The following ZGRF1 variants were observed in gnomAD, a reference collection of about 807,000 sequenced individuals.
ZGRF1 encodes the protein 5'-3' DNA helicase ZGRF1.
In ZGRF1, 196 loss-of-function variants were observed where a neutral mutation model predicts 203.5. That is an observed-to-expected ratio of 0.96 (90% CI 0.86 to 1.08). ZGRF1 has a LOEUF of 1.08. Among genes scored for constraint, ZGRF1 ranks in the 50% least tolerant of loss-of-function variants. The pLI is 0.00. For missense variants in ZGRF1, 2,326 were observed against 2,416.3 expected (o/e 0.96, Z 0.78); for synonymous variants, 809 against 841.3 (o/e 0.96, Z 0.66).
chr4:112,581,386 A>T (rs1338810140), intron 16 of ZGRF1, among the ~76,000 whole-genome samples: 1 of 151,932 alleles, frequency 6.6e-6, no homozygotes, highest in Non-Finnish European at 1.5e-5. Flanking sequence ...CATGTAACAA[A>T]CCTACACGTT....
chr4:112,607,780 A>C (rs1750989088), intron 8 of ZGRF1: 1 of 152,196 alleles, frequency 6.6e-6, no homozygotes, highest in Non-Finnish European at 1.5e-5. Context: ...AAAATAAAAA[A>C]ATAAAAAATA....
chr4:112,540,996 G>A, intron 25 of ZGRF1, 41 bp from the exon 26 acceptor site: 1 of 1,551,024 alleles, frequency 6.4e-7, no homozygotes, highest in East Asian at 2.4e-5. Context: ...TTCCCAGAAA[G>A]GCTATGGAAA....
Position 112,539,968 on chromosome 4 carries a change from T to C in ZGRF1, c.6067A>G (p.Met2023Val), listed in dbSNP as rs1440638689. The C allele has an allele frequency of 6.2e-7, 1 of 1,613,772 alleles. No individual in the cohort carries two copies. The highest frequency in any genetic ancestry group is 8.5e-7 in the Non-Finnish European group (1 of 1,179,844). ...TTTCCTCTAGTCAATGCAACATTCA[T>C]TCTTTTTTCTGAATCAATGAATCCT... is the stretch of plus-strand genomic sequence containing the variant. ...QVGFIDSEKR[M>V]NVALTRGKRH... is the part of the protein sequence containing the mutation. Residue 2023 changes from methionine to valine, a missense_variant, in exon 27 of 28, where the codon ATG becomes GTG. By Grantham distance (21) the Met-to-Val change is conservative. Coordinates refer to ENST00000505019, the MANE Select transcript of ZGRF1 (RefSeq NM_018392.5).
intron 1 of ZGRF1, among the ~76,000 whole-genome samples, chr4:112,633,558 A>G (rs755550998): frequency 1.8e-4 from 28 of 152,384 alleles, no homozygotes; most frequent in African/African-American, 6.3e-4. Flanking sequence ...GGTTCCCTAT[A>G]GCGCAAATTC....
intron 1 of ZGRF1, among the ~76,000 whole-genome samples, chr4:112,635,935 A>C (rs965472378): frequency 6.6e-6 from 1 of 152,104 alleles, no homozygotes; most frequent in Non-Finnish European, 1.5e-5. Context: ...GAAACTCTTA[A>C]AGGATGGTTA....
At chr4:112,581,627 C>T in intron 16 of ZGRF1, 36 bp downstream of exon 16, 1 of 1,508,348 alleles carries the variant, frequency 6.6e-7, no homozygotes, top group Non-Finnish European at 8.9e-7. Context: ...GATAATAAGG[C>T]TAGACTGAAT....
chr4:112,577,018 C>T (rs186193444), intron 16 of ZGRF1, among the ~76,000 whole-genome samples: 22 of 150,362 alleles, frequency 1.5e-4, no homozygotes, highest in East Asian at 1.4e-3. Flanking sequence ...ATGTTAAGGG[C>T]GGCCAAAGAG....
At chr4:112,582,560 C>G (rs1247010870) in intron 15 of ZGRF1, among the ~76,000 whole-genome samples, 1 of 152,038 alleles carries the variant, frequency 6.6e-6, no homozygotes, top group East Asian at 1.9e-4. Flanking sequence ...CTCAAGCCAT[C>G]CTCCCGTCTC....
At chr4:112,553,807 G>C (rs1228037971) in intron 22 of ZGRF1, 28 bp downstream of exon 22, 3 of 1,575,798 alleles carry the variant, frequency 1.9e-6, no homozygotes, top group Non-Finnish European at 2.6e-6. Flanking sequence ...TATAAATCAA[G>C]AAACAAATTG....
In ZGRF1 at chr4:112,559,336, C is replaced by G. The variant is rs114497170; in HGVS notation, c.4961-1027G>C. ...ACCACAACCTCCAAAGTAGCTGGGA[C>G]TACAGGTGCATGCCTCCATGTCCAG... On this transcript the variant is annotated intron_variant, in intron 19 of 27. Coordinates refer to ENST00000505019, the MANE Select transcript of ZGRF1 (RefSeq NM_018392.5). 5.1e-3 allele frequency among the ~76,000 whole-genome samples: 781 copies of G among 152,248 alleles called. 2 individuals are homozygous for G. The highest frequency in any genetic ancestry group is 8.9e-3 in the Non-Finnish European group (605 of 68,008).
intron 10 of ZGRF1, among the ~76,000 whole-genome samples, chr4:112,601,099 T>A (rs561004779): frequency 3.3e-4 from 45 of 136,964 alleles, no homozygotes; most frequent in African/African-American, 1.1e-3. Flanking sequence ...CAAGACTCCA[T>A]CTCAAAAAAA....
rs1737545128 is a variant in ZGRF1 at position 112,541,298 on chromosome 4, CAT to C, written c.5599-32_5599-31del. On this transcript the variant is annotated intron_variant, in intron 24 of 27. Coordinates refer to ENST00000505019, the MANE Select transcript of ZGRF1 (RefSeq NM_018392.5). ...GAAATTTAAATGAAGAAAAATAAAA[CAT>C]AATTTTTTTGTTCTTCTAGGGAAAG... 6.6e-6 allele frequency: 9 copies of C among 1,368,810 alleles called. No individual in the cohort carries two copies. In the East Asian group the frequency reaches 7.2e-5, roughly 11 times the overall value. The allele number at this position is 1,368,810 out of a possible 1,614,324, so 84.8% of individuals were successfully genotyped here.
At chr4:112,574,541 T>A (rs1744790534) in intron 16 of ZGRF1, among the ~76,000 whole-genome samples, 1 of 152,224 alleles carries the variant, frequency 6.6e-6, no homozygotes, top group Non-Finnish European at 1.5e-5. Context: ...TGGGGTTAAC[T>A]TAAATGTAGG....
At chr4:112,556,827 T>A (rs1741029998) in intron 20 of ZGRF1, among the ~76,000 whole-genome samples, 1 of 152,186 alleles carries the variant, frequency 6.6e-6, no homozygotes, top group South Asian at 2.1e-4. Flanking sequence ...CTACCATAAG[T>A]ATTAACTTAT....
intron 15 of ZGRF1, 86 bp from the exon 16 acceptor site, chr4:112,581,888 C>T (rs1182793372): frequency 3.2e-6 from 2 of 624,346 alleles, no homozygotes; most frequent in Non-Finnish European, 4.9e-6. Flanking sequence ...ATGAAAAGAA[C>T]CAGGGTTTCA....
intron 10 of ZGRF1, 75 bp downstream of exon 10, chr4:112,603,449 A>T: frequency 9.7e-7 from 1 of 1,035,254 alleles, no homozygotes; most frequent in Non-Finnish European, 1.4e-6. Flanking sequence ...ATAAACAACT[A>T]TACTATTTTC....
chr4:112,620,826 T>C (rs555713568), intron 4 of ZGRF1, among the ~76,000 whole-genome samples: 1 of 146,604 alleles, frequency 6.8e-6, no homozygotes, highest in Non-Finnish European at 1.5e-5. Context: ...TTCACACCAC[T>C]GCTCTCTAGC....
chr4:112,540,150 G>T (rs1476256333), intron 26 of ZGRF1, 26 bp from the exon 27 acceptor site: 9 of 1,490,030 alleles, frequency 6.0e-6, no homozygotes, highest in Non-Finnish European at 8.1e-6. Flanking sequence ...CAGCAATCAT[G>T]TAGTAAGAGA....
Position 112,618,819 on chromosome 4 carries a change from G to A in ZGRF1, c.1223C>T (p.Ser408Leu), listed in dbSNP as rs2046971855. 5 of 1,612,854 alleles carry A rather than the reference G, an allele frequency of 3.1e-6. No homozygotes were observed. Among genetic ancestry groups the A allele is most frequent in the African/African-American group, 1.3e-5 (1 of 74,920 alleles). ...CTGTAAGCTACTGCTTTCATTGAAT[G>A]AAGGAATTTCTAATTTTACTTCCTG... ...WNQEVKLEIP[S>L]FNESSSLQVT... The change falls in exon 6 of 28, where the codon TCA (serine) becomes TTA (leucine). Residue 408 changes from serine to leucine, a missense_variant. By Grantham distance (145) the Ser-to-Leu change is moderately radical. Coordinates refer to ENST00000505019, the MANE Select transcript of ZGRF1 (RefSeq NM_018392.5).
Sources: allele counts gnomAD v4.1 joint callset (sites outside exome capture counted in the v4.1 genomes callset), GRCh38; gene constraint gnomAD v4.1.1; transcripts MANE v1.5; gene names NCBI Gene and HGNC (gene_info 2026-07-23, HGNC 2026-07-21).